CPT1C: variants seen among roughly 807,000 people sequenced by gnomAD.
The protein encoded by CPT1C is palmitoyl thioesterase CPT1C.
CPT1C carries 61 observed loss-of-function variants against 97.3 expected under a neutral mutation model. The ratio of observed to expected loss-of-function variants is 0.63; its 90% CI spans 0.51 to 0.78. The LOEUF (loss-of-function observed/expected upper bound fraction) is 0.78. Among genes scored for constraint, CPT1C ranks in the 30% least tolerant of loss-of-function variants. The pLI is 0.00. For synonymous variants in CPT1C, 469 were observed against 447.2 expected (o/e 1.05, Z -0.61); for missense variants, 975 against 1,065.5 (o/e 0.92, Z 1.18).
intron 12 of CPT1C, 56 bp from the exon 13 acceptor site, chr19:49,707,462 C>A: frequency 1.5e-6 from 2 of 1,292,430 alleles, no homozygotes; most frequent in Non-Finnish European, 2.2e-6. Flanking sequence ...ACAGAAAGCA[C>A]TCTGAGGTCC....
At chr19:49,696,833 T>C (rs899402829) in intron 3 of CPT1C, among the ~76,000 whole-genome samples, 2 of 151,940 alleles carry the variant, frequency 1.3e-5, no homozygotes, top group Admixed American at 6.6e-5. Context: ...GATTTCACCA[T>C]GTTGGCCAGG....
At position 49,705,234 on chromosome 19, in the gene CPT1C, C is replaced by T; in HGVS notation, c.900C>T (p.Arg300=). The change falls in exon 10 of 20, where the codon CGC becomes CGT. Residue 300 remains arginine (R), a synonymous_variant. Coordinates refer to ENST00000598293, the MANE Select transcript of CPT1C (RefSeq NM_001199753.2). ...TGCAGACTTTGCTGATGGGAATGCG[C>T]CCCTTATGCTCTGCCCAGTACGAGA... ...EIPPTLLMGM[R]PLCSAQYEKI... The T allele has an allele frequency of 1.2e-6, 2 of 1,614,074 alleles. No homozygotes were observed. The highest frequency in any genetic ancestry group is 1.1e-5 in the South Asian group (1 of 91,084).
rs2082977712 is a variant in CPT1C, at chr19:49,700,864, G to C, written c.453+9G>C. ...CCACCAAGACCTGGCTGGTATGGGA[G>C]GGGCATAGCCCTGCTCAGGCTCTCC... On this transcript the variant is annotated intron_variant, in intron 5 of 19. Transcript: ENST00000598293. 6.2e-7 allele frequency: 1 copy of C among 1,610,648 alleles called. No individual in the cohort carries two copies. The highest frequency in any genetic ancestry group is 2.2e-5 in the East Asian group (1 of 44,888).
At position 49,701,624 on chromosome 19, in the gene CPT1C, C is replaced by T. The variant is rs749309949; in HGVS notation, c.683C>T (p.Ala228Val). The T allele has an allele frequency of 6.2e-7, 1 of 1,601,950 alleles. No homozygotes were observed. The highest frequency in any genetic ancestry group is 1.1e-5 in the South Asian group (1 of 90,492). ...TACCTGCGGCTCAAGTCCTGGTGGG[C>T]GTCCAATTATGTGAGTCCCGCCACC... ...QWYLRLKSWW[A>V]SNYVSDWWEE... The change falls in exon 7 of 20, where the codon GCG becomes GTG. Residue 228 changes from alanine (A) to valine (V), a missense_variant. By Grantham distance (64) the Ala-to-Val change is moderately conservative. Coordinates refer to ENST00000598293, the MANE Select transcript of CPT1C (RefSeq NM_001199753.2).
intron 7 of CPT1C, among the ~76,000 whole-genome samples, chr19:49,702,026 T>A (rs1226012358): frequency 1.0e-4 from 1 of 9,638 alleles, no homozygotes; most frequent in South Asian, 2.3e-3. Context: ...ATTTATAAAT[T>A]ATAAATATAT....
Position 49,701,477 on chromosome 19 carries a change from T to C in CPT1C, c.556-20T>C. 6.3e-7 allele frequency: 1 copy of C among 1,597,128 alleles called. No individual in the cohort carries two copies. Among genetic ancestry groups the C allele is most frequent in the Non-Finnish European group, 8.6e-7 (1 of 1,167,580 alleles). On this transcript the variant is annotated intron_variant, in intron 6 of 19. Transcript: ENST00000598293. ...GCCGGGGCGGGCCGGGGGCGTGACC[T>C]GCCCTCTTCTCCCCTTTAGTACCTG...
rs2084070011 is a variant in CPT1C at position 49,713,680 on chromosome 19, G to A, written c.*75G>A. On this transcript the variant is annotated 3_prime_UTR_variant, in exon 20 of 20. Coordinates refer to ENST00000598293, the MANE Select transcript of CPT1C (RefSeq NM_001199753.2). ...CACAGCTGGCTGACACAGGACAGGG[G>A]CAACTGGTTTGGCAACCCCACATCC... The A allele has an allele frequency of 2.1e-6, 3 of 1,447,908 alleles. No homozygotes were observed. Among genetic ancestry groups the A allele is most frequent in the Non-Finnish European group, 2.8e-6 (3 of 1,063,012 alleles). 89.7% of individuals were successfully genotyped at this position (1,447,908 alleles called of 1,614,324 possible). A position where few individuals can be genotyped will look rare whatever the true frequency, so the allele number is the denominator to read the frequency against.
rs150387105 is a variant in CPT1C at position 49,704,933 on chromosome 19, G to C, written c.772-74G>C. 5.3e-3 allele frequency: 7,638 copies of C among 1,429,832 alleles called. 28 individuals carry two copies. The highest frequency in any genetic ancestry group is 6.7e-3 in the Non-Finnish European group (6,922 of 1,026,378). 88.6% of individuals were successfully genotyped at this position (1,429,832 alleles called of 1,614,324 possible). A position where few individuals can be genotyped will look rare whatever the true frequency, so the allele number is the denominator to read the frequency against. ...CCACCCTCTTTTGGGGTCAGGACCT[G>C]TATTTGGGTCAGTGGCTCCATCGGG... On this transcript the variant is annotated intron_variant, in intron 8 of 19. Transcript: ENST00000598293.
chr19:49,695,798 G>A (rs956825482), intron 3 of CPT1C, among the ~76,000 whole-genome samples: 2 of 152,006 alleles, frequency 1.3e-5, no homozygotes, highest in African/African-American at 4.8e-5. Flanking sequence ...GGCCAGGATG[G>A]TCTCGATCTC....
Position 49,702,005 on chromosome 19 carries a change from TAAA to T in CPT1C, c.693+372_693+374del, listed in dbSNP as rs2083136272. Among the ~76,000 whole-genome samples, 2 of 8,752 alleles carry T rather than the reference TAAA, an allele frequency of 2.3e-4. 1 individual carries two copies. Among genetic ancestry groups the T allele is most frequent in the African/African-American group, 4.3e-4 (2 of 4,652 alleles). The allele number at this position is 8,752 out of a possible 152,430, so 5.7% of individuals were successfully genotyped here. A position where few individuals can be genotyped will look rare whatever the true frequency, so the allele number is the denominator to read the frequency against. On this transcript the variant is annotated intron_variant, in intron 7 of 19. Transcript: ENST00000598293. ...AAATATATAAATATTATAAATATAT[TAAA>T]TATATTTATTTATAAATTATAAATA...
intron 7 of CPT1C, among the ~76,000 whole-genome samples, chr19:49,703,058 C>A (rs1032884230): frequency 1.2e-4 from 17 of 141,988 alleles, no homozygotes; most frequent in Non-Finnish European, 2.3e-4. Flanking sequence ...CACTTTTGGA[C>A]AAGATTCTGT....
Position 49,706,320 on chromosome 19 carries a change from T to C in CPT1C, c.1250T>C (p.Leu417Pro), listed in dbSNP as rs780678339. 1.3e-6 allele frequency: 2 copies of C among 1,527,542 alleles called. No homozygotes were observed. The highest frequency in any genetic ancestry group is 1.2e-5 in the South Asian group (1 of 80,228). 94.6% of individuals were successfully genotyped at this position (1,527,542 alleles called of 1,614,324 possible). A position where few individuals can be genotyped will look rare whatever the true frequency, so the allele number is the denominator to read the frequency against. Residue 417 changes from leucine to proline, a missense_variant, in exon 12 of 20, where the codon CTG becomes CCG. Leu to Pro is a moderately conservative substitution (Grantham distance 98). Coordinates refer to ENST00000598293, the MANE Select transcript of CPT1C (RefSeq NM_001199753.2). The surrounding 1 kb of genome is among the most constrained non-coding windows in gnomAD (Gnocchi z 4.8). ...GAAGGGGCCGCTTTCTTTGTGTCAC[T>C]GGATGCTGAGCCCGCGGGGCTCACC... is the stretch of plus-strand genomic sequence containing the variant. Reference protein sequence around the residue: ...AVEGAAFFVSLDAEPAGLTRE... With the variant: ...AVEGAAFFVSPDAEPAGLTRE...
rs760795894 is a variant in CPT1C at position 49,701,327 on chromosome 19, G to A, written c.464G>A (p.Arg155His). 4.3e-6 allele frequency: 7 copies of A among 1,612,280 alleles called. No individual in the cohort carries two copies. The highest frequency in any genetic ancestry group is 1.3e-5 in the African/African-American group (1 of 74,992). The change falls in exon 6 of 20, where the codon CGC becomes CAC. Residue 155 changes from arginine (R) to histidine (H), a missense_variant. By Grantham distance (29) the Arg-to-His change is conservative. Around this residue, in one of 3 missense-constraint regions of CPT1C, gnomAD observed 596 missense variants for 603.1 expected, o/e 0.99. Transcript: ENST00000598293. ...ACTCCTCCTCCCCAGGCCCTGGTCC[G>A]CATCTTCTCTGGCCGCCACCCGATG... Reference protein sequence around the residue: ...SPTKTWLALVRIFSGRHPMLF... With the variant: ...SPTKTWLALVHIFSGRHPMLF...
chr19:49,706,117 G>A lies in CPT1C; in HGVS notation c.1160+13G>A. On this transcript the variant is annotated intron_variant, in intron 11 of 19. Transcript: ENST00000598293. The surrounding 1 kb of genome is among the most constrained non-coding windows in gnomAD (Gnocchi z 4.8). ...CAGCTGCTCCCAGGTAAGGGTCAGG[G>A]GTCAGGGGTCAGGGGCTCTCAGAGG... The A allele has an allele frequency of 6.2e-7, 1 of 1,601,336 alleles. No homozygotes were observed. The highest frequency in any genetic ancestry group is 8.5e-7 in the Non-Finnish European group (1 of 1,172,640).
Position 49,692,444 on chromosome 19 carries a change from C to T in CPT1C, c.141+51C>T, listed in dbSNP as rs1387759405. Reference sequence around the variant, plus strand: ...CTTCCGGGGATCCAGGTTTCTGCTTCCGGGATGTCTGAGGCTCACTTCCGG... The same window carrying T: ...CTTCCGGGGATCCAGGTTTCTGCTTTCGGGATGTCTGAGGCTCACTTCCGG... On this transcript the variant is annotated intron_variant, in intron 3 of 19. Coordinates refer to ENST00000598293, the MANE Select transcript of CPT1C (RefSeq NM_001199753.2). 5.6e-6 allele frequency: 9 copies of T among 1,603,412 alleles called. No individual in the cohort carries two copies. In the Admixed American group the frequency reaches 1.2e-4, roughly 21 times the overall value.
chr19:49,708,283 G>A (rs1419197707), intron 13 of CPT1C, among the ~76,000 whole-genome samples: 2 of 151,876 alleles, frequency 1.3e-5, no homozygotes, highest in Non-Finnish European at 2.9e-5. Context: ...CCAGGAGTTT[G>A]AGACTAGCCT....
intron 7 of CPT1C, among the ~76,000 whole-genome samples, chr19:49,701,931 A>T (rs11878355): frequency 0.034 from 2,566 of 76,482 alleles, 64 homozygotes; most frequent in African/African-American, 0.074. Flanking sequence ...TACAAATATT[A>T]ATATTTATAA....
At chr19:49,703,350 C>CTT (rs59161524) in intron 7 of CPT1C, among the ~76,000 whole-genome samples, 8,034 of 136,440 alleles carry the variant, frequency 0.059, 768 homozygotes, top group African/African-American at 0.21. Context: ...TGGCTAATTT[C>CTT]TTTTTTTTTT....
At chr19:49,702,128 A>ATATATATTTATTTAT (rs2083195209) in intron 7 of CPT1C, among the ~76,000 whole-genome samples, 1 of 89,354 alleles carries the variant, frequency 1.1e-5, no homozygotes. Flanking sequence ...TTATTTATAA[A>ATATATATTTATTTAT]TTATAAATAA....
Sources: gnomAD v4.1 joint callset for allele counts (sites outside exome capture counted in the v4.1 genomes callset) on GRCh38, gnomAD v4.1.1 for gene constraint, gnomAD v4.1.1 regional missense constraint, Gnocchi (gnomAD v3.1) non-coding constraint, MANE v1.5 for transcripts, NCBI Gene and HGNC (gene_info 2026-07-23, HGNC 2026-07-21) for gene names.